Variants in SGSM3 observed in about 807,000 individuals in gnomAD.
SGSM3 encodes the protein small G protein signaling modulator 3.
A neutral mutation model predicts 100.5 loss-of-function variants in SGSM3; 96 were observed. The ratio of observed to expected loss-of-function variants is 0.96; its 90% CI spans 0.81 to 1.13. The LOEUF (loss-of-function observed/expected upper bound fraction) is 1.13. SGSM3 is among the 50% of genes most tolerant of loss of function. The probability of loss-of-function intolerance (pLI) is 0.00; values close to 1 mark genes in which losing one functional copy is unlikely to be tolerated. For missense variants in SGSM3, 1,001 were observed against 1,015.8 expected, an observed-to-expected ratio of 0.99 and a Z score of 0.20; for synonymous variants, 483 against 422.8, an observed-to-expected ratio of 1.14 and a Z score of -1.75.
intron 1 of SGSM3, among the ~76,000 whole-genome samples, chr22:40,375,666 A>AT (rs34846503): frequency 0.27 from 39,162 of 147,628 alleles, 6,313 homozygotes; most frequent in Admixed American, 0.45. Context: ...AAGACAGAGA[A>AT]TTTTTTTTTT....
intron 1 of SGSM3, among the ~76,000 whole-genome samples, chr22:40,381,958 T>G (rs2047647219): frequency 6.6e-6 from 1 of 152,188 alleles, no homozygotes; most frequent in Non-Finnish European, 1.5e-5. Flanking sequence ...AGACGCTGTC[T>G]CAAATAATAA....
intron 4 of SGSM3, 75 bp downstream of exon 4, chr22:40,402,280 C>G (rs1474004221): frequency 4.3e-6 from 5 of 1,161,430 alleles, no homozygotes; most frequent in Non-Finnish European, 6.5e-6. Context: ...GACTGAATTA[C>G]TCGGCCTGTG....
At chr22:40,400,896 TA>T in intron 2 of SGSM3, 83 bp downstream of exon 2, 1 of 1,317,724 alleles carries the variant, frequency 7.6e-7, no homozygotes. Context: ...TTGTTTTCCA[TA>T]AAACACCATC....
At chr22:40,379,129 T>G (rs1355761419) in intron 1 of SGSM3, among the ~76,000 whole-genome samples, 2 of 152,236 alleles carry the variant, frequency 1.3e-5, no homozygotes, top group Non-Finnish European at 2.9e-5. Context: ...TTATTAATTT[T>G]TTAAGTTACT....
rs770310096 is a variant in SGSM3, at chr22:40,404,379, T to G, written c.290T>G (p.Ile97Ser). ...HDVGDLTWDK[I>S]AVSLPRSEKL... ...GTGGGGGATCTCACCTGGGACAAGATTGCCGTCTCCCTACCCCGCTCTGAG... is the reference window on the plus strand; with the variant it reads ...GTGGGGGATCTCACCTGGGACAAGAGTGCCGTCTCCCTACCCCGCTCTGAG... Residue 97 changes from isoleucine (I) to serine (S), a missense_variant, in exon 5 of 22, where the codon ATT (isoleucine) becomes AGT (serine). Ile to Ser is a moderately radical substitution (Grantham distance 142, BLOSUM62 -2). Transcript: ENST00000248929. 1 of 1,608,430 alleles carries G rather than the reference T, an allele frequency of 6.2e-7. No individual in the cohort carries two copies. The highest frequency in any genetic ancestry group is 8.5e-7 in the Non-Finnish European group (1 of 1,177,022).
rs764880701 is a variant in SGSM3 at position 40,408,401 on chromosome 22, C to T, written c.1754C>T (p.Ala585Val). 4 of 1,613,480 alleles carry T rather than the reference C, an allele frequency of 2.5e-6. No individual in the cohort carries two copies. In the South Asian group the frequency reaches 4.4e-5, roughly 18 times the overall value. ...GLKKPSLLGG[A>V]CHPWLFIEEA... ...AAGAAGCCATCCCTGCTTGGGGGCG[C>T]CTGCCACCCCTGGCTGTTTATCGAG... is the stretch of plus-strand genomic sequence containing the variant. Residue 585 changes from alanine (A) to valine (V), a missense_variant, in exon 16 of 22, where the codon GCC becomes GTC. Ala to Val is a moderately conservative substitution (Grantham distance 64). Transcript: ENST00000248929.
In SGSM3 at chr22:40,406,343, C is replaced by G; in HGVS notation, c.961-95C>G. 6 of 1,504,374 alleles carry G rather than the reference C, an allele frequency of 4.0e-6. No individual in the cohort carries two copies. The South Asian group carries it at 6.3e-5, about 16-fold the overall frequency. 93.2% of individuals were successfully genotyped at this position (1,504,374 alleles called of 1,614,324 possible). A position where few individuals can be genotyped will look rare whatever the true frequency, so the allele number is the denominator to read the frequency against. ...CTGGCCCCTGACAACTGTGCCAAGGCAAACGGGTCCCTGAGGATGGGGGTT... is the reference window on the plus strand; with the variant it reads ...CTGGCCCCTGACAACTGTGCCAAGGGAAACGGGTCCCTGAGGATGGGGGTT... On this transcript the variant is annotated intron_variant, in intron 9 of 21. Transcript: ENST00000248929.
intron 1 of SGSM3, among the ~76,000 whole-genome samples, chr22:40,380,238 T>C (rs1021720317): frequency 6.6e-6 from 1 of 152,230 alleles, no homozygotes; most frequent in Non-Finnish European, 1.5e-5. Context: ...TTTGTATGTG[T>C]GTGTGATTAA....
intron 17 of SGSM3, 39 bp downstream of exon 17, chr22:40,408,736 G>C: frequency 6.2e-7 from 1 of 1,613,964 alleles, no homozygotes; most frequent in Non-Finnish European, 8.5e-7. Context: ...GTCACCAGCA[G>C]TGGGAGGGCG....
intron 1 of SGSM3, chr22:40,376,495 G>C (rs1646196621): frequency 6.6e-6 from 1 of 152,080 alleles, no homozygotes; most frequent in African/African-American, 2.4e-5. Context: ...CAAGTTATCT[G>C]TCATGCCTCA....
chr22:40,401,127 TAGG>T (rs945150595), intron 2 of SGSM3, among the ~76,000 whole-genome samples: 67 of 152,346 alleles, frequency 4.4e-4, no homozygotes, highest in African/African-American at 1.6e-3. Flanking sequence ...TGCTGATTTC[TAGG>T]AGGTTTCTTT....
chr22:40,391,444 C>CA (rs954373367), intron 1 of SGSM3, among the ~76,000 whole-genome samples: 3 of 151,996 alleles, frequency 2.0e-5, no homozygotes, highest in Non-Finnish European at 2.9e-5. Context: ...CCGGTCTCTA[C>CA]AAAAAAATAA....
intron 21 of SGSM3, 50 bp downstream of exon 21, chr22:40,409,575 C>A: frequency 6.2e-7 from 1 of 1,612,910 alleles, no homozygotes; most frequent in East Asian, 2.2e-5. Flanking sequence ...CTGCCCAAAC[C>A]GTTCGCGGGG....
intron 16 of SGSM3, 81 bp downstream of exon 16, chr22:40,408,510 G>A (rs1263780733): frequency 1.9e-6 from 3 of 1,593,160 alleles, no homozygotes; most frequent in Non-Finnish European, 2.6e-6. Flanking sequence ...GGTCCTTCCT[G>A]CCCCACAGAG....
chr22:40,392,672 A>T (rs946618334), intron 1 of SGSM3, among the ~76,000 whole-genome samples: 16 of 152,332 alleles, frequency 1.1e-4, no homozygotes, highest in Admixed American at 6.5e-5. Flanking sequence ...AATTATTTTT[A>T]AAATTGAGAT....
At chr22:40,394,752 A>G (rs1225751041) in intron 1 of SGSM3, among the ~76,000 whole-genome samples, 1 of 151,356 alleles carries the variant, frequency 6.6e-6, no homozygotes, top group Non-Finnish European at 1.5e-5. Flanking sequence ...TTTCCCCCTC[A>G]TCACTACTCT....
intron 1 of SGSM3, among the ~76,000 whole-genome samples, chr22:40,389,238 G>A (rs945476010): frequency 1.3e-5 from 2 of 152,180 alleles, no homozygotes; most frequent in African/African-American, 4.8e-5. Flanking sequence ...GACACCCAGA[G>A]AGACTGTGTG....
At chr22:40,406,819 G>A in intron 10 of SGSM3, 157 bp downstream of exon 10, 1 of 845,570 alleles carries the variant, frequency 1.2e-6, no homozygotes, top group Non-Finnish European at 1.9e-6. Flanking sequence ...GGTGATCCAG[G>A]CCTCCTCAGG....
chr22:40,376,224 A>G (rs1251832192), intron 1 of SGSM3: 2 of 111,964 alleles, frequency 1.8e-5, no homozygotes, highest in Non-Finnish European at 3.4e-5. Context: ...TTTTGGAAAC[A>G]GTACGGTAGT....
Sources: gnomAD v4.1 joint callset for allele counts (sites outside exome capture counted in the v4.1 genomes callset) on GRCh38, gnomAD v4.1.1 for gene constraint, MANE v1.5 for transcripts, NCBI Gene and HGNC (gene_info 2026-07-23, HGNC 2026-07-21) for gene names.